Variants in PNPLA8 observed in about 807,000 individuals in gnomAD.
The protein encoded by PNPLA8 is patatin like domain 8, phospholipase A2, also known as calcium-independent phospholipase A2-gamma.
A neutral mutation model predicts 76.9 loss-of-function variants in PNPLA8; 39 were observed. That is an observed-to-expected ratio of 0.51 (90% CI 0.39 to 0.66). The LOEUF (loss-of-function observed/expected upper bound fraction) is 0.66, where lower values mean the gene tolerates loss of function less well. Among genes scored for constraint, PNPLA8 ranks in the 30% least tolerant of loss-of-function variants. The probability of loss-of-function intolerance (pLI) is 0.00; values close to 1 mark genes in which losing one functional copy is unlikely to be tolerated. For synonymous variants in PNPLA8, 301 were observed against 307.9 expected, an observed-to-expected ratio of 0.98 and a Z score of 0.24; for missense variants, 887 against 918.0, an observed-to-expected ratio of 0.97 and a Z score of 0.44.
rs766242572 is a variant in PNPLA8 at position 108,480,486 on chromosome 7, C to T, written c.1879-1107G>A. On this transcript the variant is annotated intron_variant, in intron 9 of 10. Transcript: ENST00000257694. ...CTCCCATCCATGCCAGTTAACCGTC[C>T]GCTGAGTACACGGAAAGGCATTTCT... Among the ~76,000 whole-genome samples the T allele has an allele frequency of 7.2e-5, 11 of 152,172 alleles. No homozygotes were observed. In the South Asian group the frequency reaches 2.3e-3, roughly 32 times the overall value.
Position 108,526,055 on chromosome 7 carries a change from C to T in PNPLA8, c.-156G>A. Reference sequence around the variant, plus strand: ...GGGATGCAGGCCGCAGTCACTAGGGCTGCAGCGGCGACTCGCTCGTTCCCG... The same window carrying T: ...GGGATGCAGGCCGCAGTCACTAGGGTTGCAGCGGCGACTCGCTCGTTCCCG... On this transcript the variant is annotated 5_prime_UTR_variant, in exon 1 of 11. Coordinates refer to ENST00000257694, the MANE Select transcript of PNPLA8 (RefSeq NM_001256007.3). The T allele has an allele frequency of 1.0e-6, 1 of 985,762 alleles. No homozygotes were observed. Among genetic ancestry groups the T allele is most frequent in the Non-Finnish European group, 1.2e-6 (1 of 830,096 alleles). 61.1% of individuals were successfully genotyped at this position (985,762 alleles called of 1,614,324 possible). A position where few individuals can be genotyped will look rare whatever the true frequency, so the allele number is the denominator to read the frequency against.
chr7:108,501,123 T>C (rs1861906039), intron 5 of PNPLA8, among the ~76,000 whole-genome samples: 1 of 152,176 alleles, frequency 6.6e-6, no homozygotes, highest in African/African-American at 2.4e-5. Context: ...AAGTTGGTTA[T>C]ACCAAAAAGC....
At chr7:108,510,499 AT>A (rs1862834487) in intron 4 of PNPLA8, 1 of 1,385,566 alleles carries the variant, frequency 7.2e-7, no homozygotes, top group South Asian at 1.2e-5. Context: ...CCAAACTGGC[AT>A]TTGTCATCAG....
Position 108,523,765 on chromosome 7 carries a change from A to G in PNPLA8, c.-129-2244T>C, listed in dbSNP as rs144007907. On this transcript the variant is annotated intron_variant, in intron 1 of 10. Transcript: ENST00000257694. ...GGTAAATTTTTCTTACTACCCTACTACCCCAAGCTGACCACTTTCTGATGC... is the reference window on the plus strand; with the variant it reads ...GGTAAATTTTTCTTACTACCCTACTGCCCCAAGCTGACCACTTTCTGATGC... 1.7e-3 allele frequency among the ~76,000 whole-genome samples: 260 copies of G among 151,888 alleles called. 2 individuals are homozygous for G. Among genetic ancestry groups the G allele is most frequent in the African/African-American group, 5.9e-3 (243 of 41,408 alleles).
intron 9 of PNPLA8, among the ~76,000 whole-genome samples, chr7:108,485,246 A>C (rs915766793): frequency 6.6e-6 from 1 of 152,180 alleles, no homozygotes; most frequent in Non-Finnish European, 1.5e-5. Flanking sequence ...TTCCATGTAC[A>C]TATTATGCTA....
intron 7 of PNPLA8, among the ~76,000 whole-genome samples, chr7:108,491,728 A>G (rs1376846967): frequency 6.6e-6 from 1 of 152,244 alleles, no homozygotes; most frequent in Non-Finnish European, 1.5e-5. Flanking sequence ...AGTAACTGGA[A>G]AAGATGCAGG....
chr7:108,474,074 G>A (rs1859810305), intron 10 of PNPLA8, among the ~76,000 whole-genome samples: 1 of 152,048 alleles, frequency 6.6e-6, no homozygotes, highest in Non-Finnish European at 1.5e-5. Context: ...TATACCTCAT[G>A]ATGGGTCAGA....
chr7:108,498,911 CA>C (rs1045748904), intron 5 of PNPLA8, among the ~76,000 whole-genome samples: 5 of 142,608 alleles, frequency 3.5e-5, no homozygotes, highest in African/African-American at 1.3e-4. Context: ...AGTTAGGCAT[CA>C]AAAAATTTTG....
At chr7:108,495,445 ACACT>A (rs759899374) in intron 7 of PNPLA8, among the ~76,000 whole-genome samples, 7 of 152,204 alleles carry the variant, frequency 4.6e-5, no homozygotes, top group Admixed American at 1.3e-4. Flanking sequence ...GGATACACAC[ACACT>A]CACAACTACA....
At chr7:108,522,280 C>T (rs1051129879) in intron 1 of PNPLA8, among the ~76,000 whole-genome samples, 3 of 146,334 alleles carry the variant, frequency 2.1e-5, no homozygotes, top group African/African-American at 7.6e-5. Flanking sequence ...GGTGACAGAG[C>T]GAGACTCCCT....
intron 1 of PNPLA8, 37 bp from the exon 2 acceptor site, chr7:108,521,558 TA>T (rs1318027807): frequency 2.4e-6 from 1 of 416,590 alleles, no homozygotes; most frequent in Non-Finnish European, 3.2e-6. Flanking sequence ...ACGTAATGTA[TA>T]AAGTCAGCCT....
At position 108,502,792 on chromosome 7, in the gene PNPLA8, T is replaced by G. The variant is rs574332426; in HGVS notation, c.1207-150A>C. 7.2e-4 allele frequency: 328 copies of G among 457,502 alleles called. 8 individuals carry two copies. In the South Asian group the frequency reaches 0.015, roughly 21 times the overall value. 28.3% of individuals were successfully genotyped at this position (457,502 alleles called of 1,614,324 possible). ...CAGTAATCTTATAAGACAGATTAGT[T>G]TTTGATATATTAATGTCAATTTTCT... On this transcript the variant is annotated intron_variant, in intron 4 of 10. Transcript: ENST00000257694.
intron 1 of PNPLA8, among the ~76,000 whole-genome samples, chr7:108,524,852 C>G (rs1403256561): frequency 6.6e-5 from 10 of 152,128 alleles, no homozygotes; most frequent in Non-Finnish European, 1.3e-4. Context: ...GCTCAGCATT[C>G]TAACTCTGAC....
At chr7:108,483,964 T>C (rs1233839361) in intron 9 of PNPLA8, among the ~76,000 whole-genome samples, 7 of 152,254 alleles carry the variant, frequency 4.6e-5, no homozygotes, top group African/African-American at 9.6e-5. Context: ...CCTTAAATTT[T>C]ATATTTGTTA....
intron 9 of PNPLA8, among the ~76,000 whole-genome samples, chr7:108,483,497 T>C (rs901570032): frequency 6.6e-6 from 1 of 152,232 alleles, no homozygotes; most frequent in African/African-American, 2.4e-5. Flanking sequence ...ATAAATGGAA[T>C]CATATAGTGT....
chr7:108,523,443 A>C (rs1007965217), intron 1 of PNPLA8, among the ~76,000 whole-genome samples: 1 of 151,658 alleles, frequency 6.6e-6, no homozygotes, highest in Non-Finnish European at 1.5e-5. Flanking sequence ...TTTCCCAGAA[A>C]TTTATAAGTA....
intron 9 of PNPLA8, chr7:108,480,656 C>T: frequency 2.8e-6 from 1 of 356,310 alleles, no homozygotes; most frequent in Non-Finnish European, 6.0e-6. Context: ...TAGCCTTAAA[C>T]AGTTTTTGAC....
intron 5 of PNPLA8, among the ~76,000 whole-genome samples, chr7:108,498,768 T>C (rs955808429): frequency 6.6e-6 from 1 of 152,034 alleles, no homozygotes; most frequent in East Asian, 1.9e-4. Context: ...ATAGACCAAT[T>C]GAGGGTGTAT....
In PNPLA8 at chr7:108,470,555, G is replaced by A. The variant is rs1399357511; in HGVS notation, c.*1846C>T. On this transcript the variant is annotated 3_prime_UTR_variant, in exon 11 of 11. Coordinates refer to ENST00000257694, the MANE Select transcript of PNPLA8 (RefSeq NM_001256007.3). ...TGACCTTATGATGAGGTGCAAATAT[G>A]TAAATATGCATAAATATTACTTTAT... 4 of 151,992 alleles carry A rather than the reference G, an allele frequency of 2.6e-5. No individual in the cohort carries two copies. The highest frequency in any genetic ancestry group is 5.9e-5 in the Non-Finnish European group (4 of 68,008). 9.4% of individuals were successfully genotyped at this position (151,992 alleles called of 1,614,324 possible).
Sources: allele counts gnomAD v4.1 joint callset (sites outside exome capture counted in the v4.1 genomes callset), GRCh38; gene constraint gnomAD v4.1.1; transcripts MANE v1.5; gene names NCBI Gene and HGNC (gene_info 2026-07-23, HGNC 2026-07-21).